Variants in MALRD1 observed in about 807,000 individuals in gnomAD.
MALRD1 encodes MAM and LDL receptor class A domain containing 1.
Under a neutral mutation model 242.1 loss-of-function variants are expected in MALRD1, and 247 were observed. That is an observed-to-expected ratio of 1.02 (90% CI 0.92 to 1.13). The LOEUF is 1.13. Among genes scored for constraint, MALRD1 ranks in the 50% most tolerant of loss-of-function variants. The probability of loss-of-function intolerance (pLI) is 0.00; values close to 1 mark genes in which losing one functional copy is unlikely to be tolerated. For synonymous variants in MALRD1, 995 were observed against 866.6 expected (o/e 1.15, Z -2.60); for missense variants, 2,989 against 2,533.1 (o/e 1.18, Z -3.86).
chr10:19,231,531 C>T (rs1168191808), intron 18 of MALRD1, among the ~76,000 whole-genome samples: 1 of 152,122 alleles, frequency 6.6e-6, no homozygotes, highest in Non-Finnish European at 1.5e-5. Flanking sequence ...ATAATTGAAT[C>T]ATAGGGGCGG....
chr10:19,128,460 C>A (rs79836680), intron 8 of MALRD1, 73 bp downstream of exon 8: 52,790 of 1,055,446 alleles, frequency 0.05, 1,556 homozygotes, highest in South Asian at 0.12. Context: ...ACTTGTGTTT[C>A]GATTTCTCAG....
chr10:19,325,221 T>G (rs1240393433), intron 22 of MALRD1, among the ~76,000 whole-genome samples: 1 of 151,944 alleles, frequency 6.6e-6, no homozygotes, highest in Non-Finnish European at 1.5e-5. Context: ...CTATTAGTAT[T>G]ATTATTTATT....
intron 13 of MALRD1, among the ~76,000 whole-genome samples, chr10:19,170,048 G>T (rs1235776456): frequency 1.3e-5 from 2 of 152,066 alleles, no homozygotes; most frequent in Non-Finnish European, 2.9e-5. Flanking sequence ...ATTGCTTTGG[G>T]TTTCATAGCA....
intron 12 of MALRD1, among the ~76,000 whole-genome samples, chr10:19,163,343 C>G (rs1044824739): frequency 6.6e-6 from 1 of 151,878 alleles, no homozygotes; most frequent in Non-Finnish European, 1.5e-5. Context: ...AAGATCATGT[C>G]TTTTGTGGGA....
chr10:19,194,624 T>C lies in MALRD1; in HGVS notation c.1952-9104T>C, dbSNP rs12261543. ...GTGTCTCTCCAGCAAAGCCCACCAC[T>C]TTTTCCTTGTCTGCTGTGTCTTCCC... On this transcript the variant is annotated intron_variant, in intron 14 of 39. Coordinates refer to ENST00000454679, the MANE Select transcript of MALRD1 (RefSeq NM_001142308.3). Among the ~76,000 whole-genome samples, 1,220 of 152,204 alleles carry C rather than the reference T, an allele frequency of 8.0e-3. 19 individuals are homozygous for C. The highest frequency in any genetic ancestry group is 0.028 in the African/African-American group (1,156 of 41,548).
At chr10:19,126,647 T>C (rs1837292514) in intron 7 of MALRD1, among the ~76,000 whole-genome samples, 1 of 152,156 alleles carries the variant, frequency 6.6e-6, no homozygotes, top group African/African-American at 2.4e-5. Flanking sequence ...TTTATAAATG[T>C]AATTCGTTTT....
intron 5 of MALRD1, among the ~76,000 whole-genome samples, chr10:19,123,035 C>G (rs964865366): frequency 6.6e-6 from 1 of 152,144 alleles, no homozygotes; most frequent in African/African-American, 2.4e-5. Flanking sequence ...CATGGCCGGC[C>G]AACAGGCACA....
chr10:19,190,436 G>A (rs1293363946), intron 14 of MALRD1, among the ~76,000 whole-genome samples: 1 of 151,966 alleles, frequency 6.6e-6, no homozygotes, highest in Non-Finnish European at 1.5e-5. Context: ...TTTTTTAGCT[G>A]AAATAGAAAG....
intron 38 of MALRD1, among the ~76,000 whole-genome samples, chr10:19,696,157 A>G (rs1485240414): frequency 6.6e-6 from 1 of 152,158 alleles, no homozygotes; most frequent in Non-Finnish European, 1.5e-5. Context: ...GGAACTCTGC[A>G]GGCTGGGCTC....
rs5783657 is a variant in MALRD1 at position 19,185,814 on chromosome 10, A to AGTGTGTGTGTGTGT, written c.1951+10503_1951+10516dup. 6.7e-3 allele frequency among the ~76,000 whole-genome samples: 993 copies of AGTGTGTGTGTGTGT among 148,374 alleles called. 10 individuals are homozygous for AGTGTGTGTGTGTGT. Among genetic ancestry groups the AGTGTGTGTGTGTGT allele is most frequent in the South Asian group, 0.013 (62 of 4,632 alleles). ...CTCTCTGCTCTATATGTTTTGAGAT[A>AGTGTGTGTGTGTGT]GTGTGTGTGTGTGTGTGTGTGTGTG... On this transcript the variant is annotated intron_variant, in intron 14 of 39. Coordinates refer to ENST00000454679, the MANE Select transcript of MALRD1 (RefSeq NM_001142308.3).
intron 21 of MALRD1, among the ~76,000 whole-genome samples, chr10:19,320,393 C>T (rs1363841190): frequency 6.6e-6 from 1 of 152,100 alleles, no homozygotes; most frequent in African/African-American, 2.4e-5. Context: ...CTGCAAAGGA[C>T]ATGAACTCAT....
chr10:19,065,236 A>G (rs1216931068), intron 1 of MALRD1, among the ~76,000 whole-genome samples: 1 of 144,296 alleles, frequency 6.9e-6, no homozygotes, highest in Non-Finnish European at 1.5e-5. Context: ...GTGGTGAGCC[A>G]AGATCGTGCC....
chr10:19,294,068 C>G (rs1337515271), intron 21 of MALRD1, among the ~76,000 whole-genome samples: 1 of 152,020 alleles, frequency 6.6e-6, no homozygotes, highest in Non-Finnish European at 1.5e-5. Flanking sequence ...ATAAAAAGGT[C>G]TATAAAATTA....
intron 31 of MALRD1, among the ~76,000 whole-genome samples, chr10:19,504,664 ATTTTTTTTTTT>A (rs759213931): frequency 4.1e-5 from 4 of 97,586 alleles, no homozygotes; most frequent in East Asian, 3.2e-4. Flanking sequence ...ATTGTAACAC[ATTTTTTTTTTT>A]TTTTTTTTTT....
At chr10:19,373,491 C>T (rs1845476776) in intron 26 of MALRD1, among the ~76,000 whole-genome samples, 1 of 150,998 alleles carries the variant, frequency 6.6e-6, no homozygotes, top group African/African-American at 2.4e-5. Context: ...TGCACTCCAG[C>T]CTGGGTGACA....
intron 36 of MALRD1, among the ~76,000 whole-genome samples, chr10:19,690,170 A>G (rs1842758751): frequency 6.6e-6 from 1 of 152,084 alleles, no homozygotes; most frequent in Non-Finnish European, 1.5e-5. Context: ...GATAAATCAT[A>G]CTTATTAAAT....
rs1836212495 is a variant in MALRD1 at position 19,195,817 on chromosome 10, C to A, written c.1952-7911C>A. 2.0e-5 allele frequency among the ~76,000 whole-genome samples: 3 copies of A among 152,046 alleles called. No homozygotes were observed. The South Asian group carries it at 6.2e-4, about 32-fold the overall frequency. The stretch of plus-strand genomic sequence containing the variant: ...TCTCACTTTACATTGGGGATTGCTG[C>A]CCTAAAGTGTGTTCTCGGTGCTACC... On this transcript the variant is annotated intron_variant, in intron 14 of 39. Transcript: ENST00000454679.
At chr10:19,086,308 T>A (rs1186237452) in intron 2 of MALRD1, among the ~76,000 whole-genome samples, 1 of 152,080 alleles carries the variant, frequency 6.6e-6, no homozygotes, top group African/African-American at 2.4e-5. Context: ...CCAATCTGGC[T>A]TTAAAATACC....
intron 33 of MALRD1, among the ~76,000 whole-genome samples, chr10:19,573,957 C>T (rs572041312): frequency 2.6e-5 from 4 of 152,194 alleles, no homozygotes; most frequent in East Asian, 3.9e-4. Context: ...AATAGACCTT[C>T]GGAGAGTGAA....
Sources: allele counts gnomAD v4.1 joint callset (sites outside exome capture counted in the v4.1 genomes callset), GRCh38; gene constraint gnomAD v4.1.1; transcripts MANE v1.5; gene names NCBI Gene and HGNC (gene_info 2026-07-23, HGNC 2026-07-21).